The following NAALADL2 variants were observed in gnomAD, a reference collection of about 807,000 sequenced individuals.
NAALADL2 encodes the protein N-acetylated alpha-linked acidic dipeptidase like 2, also known as inactive N-acetylated-alpha-linked acidic dipeptidase-like protein 2.
NAALADL2 carries 76 observed loss-of-function variants against 87.2 expected under a neutral mutation model. That is an observed-to-expected ratio of 0.87 (90% confidence interval 0.72 to 1.05). NAALADL2 has a LOEUF of 1.05. NAALADL2 is among the 50% of genes least tolerant of loss of function. NAALADL2 has a pLI of 0.00. For missense variants in NAALADL2, 1,089 were observed against 945.8 expected, an observed-to-expected ratio of 1.15 and a Z score of -1.99; for synonymous variants, 354 against 331.0, an observed-to-expected ratio of 1.07 and a Z score of -0.75.
chr3:175,544,487 T>C (rs565884904), intron 9 of NAALADL2, among the ~76,000 whole-genome samples: 1 of 152,296 alleles, frequency 6.6e-6, no homozygotes, highest in East Asian at 1.9e-4. Flanking sequence ...CTTCCATAAA[T>C]TTTTACTGAA....
chr3:175,502,930 T>G (rs1257552303), intron 9 of NAALADL2, among the ~76,000 whole-genome samples: 1 of 151,998 alleles, frequency 6.6e-6, no homozygotes, highest in Admixed American at 6.6e-5. Flanking sequence ...TTTTCTCTTT[T>G]TTTTTTTCAC....
chr3:175,321,892 C>T lies in NAALADL2; in HGVS notation c.940-2283C>T, dbSNP rs1374538107. Among the ~76,000 whole-genome samples, 1,085 of 140,584 alleles carry T rather than the reference C, an allele frequency of 7.7e-3. 16 individuals carry two copies. The highest frequency in any genetic ancestry group is 0.028 in the African/African-American group (1,037 of 37,232). 92.2% of individuals were successfully genotyped at this position (140,584 alleles called of 152,430 possible). A position where few individuals can be genotyped will look rare whatever the true frequency, so the allele number is the denominator to read the frequency against. ...GCTCATGGGTAGGAAGAATCAATAT[C>T]GTGAAAATGGCCATACTGCCCAAGG... is the stretch of plus-strand genomic sequence containing the variant. On this transcript the variant is annotated intron_variant, in intron 4 of 13. Coordinates refer to ENST00000454872, the MANE Select transcript of NAALADL2 (RefSeq NM_207015.3).
At chr3:175,343,940 T>A (rs1560398996) in intron 5 of NAALADL2, among the ~76,000 whole-genome samples, 1 of 150,160 alleles carries the variant, frequency 6.7e-6, no homozygotes, top group African/African-American at 2.4e-5. Context: ...CAGTCTTCTT[T>A]AAAAAAAAAA....
At chr3:174,689,397 C>CTTTT (rs58366472) in intron 2 of NAALADL2, among the ~76,000 whole-genome samples, 57,539 of 148,658 alleles carry the variant, frequency 0.39, 11,198 homozygotes, top group Middle Eastern at 0.47. Flanking sequence ...CCCGCTTCAC[C>CTTTT]TTTTTTTTAC....
At chr3:175,588,299 G>C (rs953297168) in intron 10 of NAALADL2, among the ~76,000 whole-genome samples, 7 of 151,998 alleles carry the variant, frequency 4.6e-5, no homozygotes, top group Non-Finnish European at 7.4e-5. Context: ...GTCTAAACTG[G>C]GTTTTAAAAG....
intron 4 of NAALADL2, among the ~76,000 whole-genome samples, chr3:175,322,688 G>C (rs1169211353): frequency 6.9e-6 from 1 of 145,842 alleles, no homozygotes; most frequent in Non-Finnish European, 1.5e-5. Context: ...GACATGAACA[G>C]ACACTTCTCA....
intron 10 of NAALADL2, among the ~76,000 whole-genome samples, chr3:175,624,367 G>A (rs1726688688): frequency 6.6e-6 from 1 of 151,936 alleles, no homozygotes; most frequent in Admixed American, 6.6e-5. Context: ...AGATTTGGAA[G>A]CATTAACAAA....
intron 11 of NAALADL2, among the ~76,000 whole-genome samples, chr3:175,632,165 G>T (rs1727853762): frequency 6.6e-6 from 1 of 151,900 alleles, no homozygotes; most frequent in South Asian, 2.1e-4. Flanking sequence ...CCTAGTGGGA[G>T]GTGATTGAAT....
intron 11 of NAALADL2, among the ~76,000 whole-genome samples, chr3:175,666,325 A>G (rs747155035): frequency 7.2e-5 from 11 of 152,174 alleles, no homozygotes; most frequent in Non-Finnish European, 1.5e-4. Flanking sequence ...TCAGGTTCCT[A>G]GAGTCATCAA....
intron 5 of NAALADL2, among the ~76,000 whole-genome samples, chr3:175,377,323 C>CA (rs1281103535): frequency 1.6e-4 from 25 of 152,116 alleles, no homozygotes; most frequent in Non-Finnish European, 2.9e-4. Flanking sequence ...AAAACAAAAA[C>CA]AAAAAAATCA....
intron 3 of NAALADL2, among the ~76,000 whole-genome samples, chr3:174,850,099 T>G (rs1489206353): frequency 6.6e-6 from 1 of 152,168 alleles, no homozygotes; most frequent in Non-Finnish European, 1.5e-5. Context: ...GTTTATAAAA[T>G]ACCTCAGCTT....
At chr3:175,272,152 A>G (rs1752934334) in intron 4 of NAALADL2, among the ~76,000 whole-genome samples, 1 of 152,186 alleles carries the variant, frequency 6.6e-6, no homozygotes, top group African/African-American at 2.4e-5. Context: ...GGAGTTTGTC[A>G]TTTTTAGACA....
chr3:175,443,287 A>G (rs1044015646), intron 5 of NAALADL2, among the ~76,000 whole-genome samples: 1 of 152,220 alleles, frequency 6.6e-6, no homozygotes, highest in East Asian at 1.9e-4. Flanking sequence ...GGTATGTTCA[A>G]TTATGGTTTA....
intron 12 of NAALADL2, among the ~76,000 whole-genome samples, chr3:175,738,121 G>A (rs1744757264): frequency 6.6e-6 from 1 of 152,064 alleles, no homozygotes; most frequent in South Asian, 2.1e-4. Flanking sequence ...TCTTTAATGA[G>A]TCATTTGTGG....
intron 1 of NAALADL2, among the ~76,000 whole-genome samples, chr3:175,033,517 G>A (rs1483826599): frequency 6.6e-6 from 1 of 152,086 alleles, no homozygotes; most frequent in African/African-American, 2.4e-5. Context: ...GTATGTGTCA[G>A]TGAAATTCCT....
intron 3 of NAALADL2, among the ~76,000 whole-genome samples, chr3:175,254,527 A>T (rs933598345): frequency 1.3e-5 from 2 of 152,132 alleles, no homozygotes; most frequent in African/African-American, 4.8e-5. Flanking sequence ...ACACAATCTG[A>T]TCTATATCCT....
chr3:175,647,059 A>C (rs1730108430), intron 11 of NAALADL2, among the ~76,000 whole-genome samples: 1 of 152,156 alleles, frequency 6.6e-6, no homozygotes, highest in African/African-American at 2.4e-5. Context: ...GCAAGAGCAA[A>C]ATGGACAAGG....
intron 1 of NAALADL2, among the ~76,000 whole-genome samples, chr3:174,905,975 C>G (rs1381187061): frequency 6.6e-6 from 1 of 151,954 alleles, no homozygotes. Context: ...TTGAAAAACA[C>G]TGATACATTA....
intron 2 of NAALADL2, among the ~76,000 whole-genome samples, chr3:175,195,303 A>G (rs1197980086): frequency 6.6e-6 from 1 of 151,806 alleles, no homozygotes; most frequent in East Asian, 1.9e-4. Context: ...TACAACACTT[A>G]CACTCTAGTG....
Sources: gnomAD v4.1 joint callset for allele counts (sites outside exome capture counted in the v4.1 genomes callset) on GRCh38, gnomAD v4.1.1 for gene constraint, MANE v1.5 for transcripts, NCBI Gene and HGNC (gene_info 2026-07-23, HGNC 2026-07-21) for gene names.